GON7: variants seen among roughly 807,000 people sequenced by gnomAD.
GON7 encodes EKC/KEOPS complex subunit GON7.
In GON7, 2 loss-of-function variants were observed where a neutral mutation model predicts 7.6. The ratio of observed to expected loss-of-function variants is 0.26; its 90% CI spans 0.11 to 0.83. The LOEUF is 0.83. Ranked by LOEUF, GON7 falls within the 40% of genes least tolerant of loss-of-function variation. GON7 has a pLI of 0.65. For synonymous variants in GON7, 54 were observed against 56.6 expected (o/e 0.95, Z 0.20); for missense variants, 121 against 132.2 (o/e 0.92, Z 0.42).
Position 93,207,019 on chromosome 14 carries a change from A to T in GON7, c.19T>A (p.Tyr7Asn). The T allele has an allele frequency of 6.2e-7, 1 of 1,613,088 alleles. No individual in the cohort carries two copies. The highest frequency in any genetic ancestry group is 1.3e-5 in the African/African-American group (1 of 74,884). The change falls in exon 1 of 2, where the codon TAC becomes AAC. Residue 7 changes from tyrosine to asparagine, a missense_variant. Tyr to Asn is a moderately radical substitution (Grantham distance 143). Transcript: ENST00000306954. Reference protein sequence around the residue: MELLGEYVGQEGKPQKL... With the variant: MELLGENVGQEGKPQKL... ...TGCGGCTTCCCTTCCTGCCCGACGT[A>T]CTCTCCCAGCAGCTCCATGGTGACC...
chr14:93,205,934 T>C (rs771457075), intron 1 of GON7, among the ~76,000 whole-genome samples: 1 of 152,172 alleles, frequency 6.6e-6, no homozygotes, highest in Non-Finnish European at 1.5e-5. Context: ...TCAAAAGTCT[T>C]ATCCTTTCTG....
At chr14:93,206,735 G>T in intron 1 of GON7, 95 bp downstream of exon 1, 1 of 1,299,942 alleles carries the variant, frequency 7.7e-7, no homozygotes, top group Non-Finnish European at 1.0e-6. Context: ...GGCTCACTTT[G>T]TCCAAGTCTG....
intron 1 of GON7, among the ~76,000 whole-genome samples, chr14:93,204,364 C>T (rs557015371): frequency 2.2e-4 from 33 of 152,320 alleles, no homozygotes; most frequent in Non-Finnish European, 3.7e-4. Flanking sequence ...GCAACCATCA[C>T]CTAGAACACT....
rs776952455 is a variant in GON7, at chr14:93,203,829, A to G, written c.209-47T>C. ...GTATGACAATACGTTCTATGGCTGA[A>G]AGAAATATATATAGCTAAAGTGGTT... On this transcript the variant is annotated intron_variant, in intron 1 of 1. Coordinates refer to ENST00000306954, the MANE Select transcript of GON7 (RefSeq NM_032490.5). 5.5e-6 allele frequency: 8 copies of G among 1,444,586 alleles called. No individual in the cohort carries two copies. In the South Asian group the frequency reaches 9.3e-5, roughly 17 times the overall value. 89.5% of individuals were successfully genotyped at this position (1,444,586 alleles called of 1,614,324 possible). A position where few individuals can be genotyped will look rare whatever the true frequency, so the allele number is the denominator to read the frequency against.
At position 93,206,832 on chromosome 14, in the gene GON7, T is replaced by C. The variant is rs750371974; in HGVS notation, c.206A>G (p.Asp69Gly). 1.9e-6 allele frequency: 3 copies of C among 1,613,502 alleles called. No homozygotes were observed. The highest frequency in any genetic ancestry group is 2.5e-6 in the Non-Finnish European group (3 of 1,179,796). Residue 69 changes from aspartate (D) to glycine (G), a missense_variant and splice_region_variant, in exon 1 of 2, where the codon GAC becomes GGC. Asp to Gly is a moderately conservative substitution (Grantham distance 94, BLOSUM62 -1). Coordinates refer to ENST00000306954, the MANE Select transcript of GON7 (RefSeq NM_032490.5). ...TGCAGCACCGTCTCAGAGCTCACCG[T>C]CCAAGTCCTCGTCTGGAGCCGCCGC... The part of the protein sequence containing the change: ...RVAAAPDEDL[D>G]GDDEDDAEDE...
intron 1 of GON7, 28 bp from the exon 2 acceptor site, chr14:93,203,810 C>G (rs760240597): frequency 5.1e-6 from 8 of 1,563,204 alleles, no homozygotes; most frequent in Non-Finnish European, 7.0e-6. Context: ...TGTTGTATGA[C>G]AATACGTTCT....
Position 93,204,059 on chromosome 14 carries a change from G to A in GON7, c.209-277C>T, listed in dbSNP as rs576812773. Reference sequence around the variant, plus strand: ...TCGCCAGGCTGGAGTGCAGTGGCACGATCTCAGCTTACTGCAACCTCCGCC... The same window carrying A: ...TCGCCAGGCTGGAGTGCAGTGGCACAATCTCAGCTTACTGCAACCTCCGCC... On this transcript the variant is annotated intron_variant, in intron 1 of 1. Coordinates refer to ENST00000306954, the MANE Select transcript of GON7 (RefSeq NM_032490.5). Among the ~76,000 whole-genome samples the A allele has an allele frequency of 3.9e-5, 6 of 151,962 alleles. No homozygotes were observed. In the South Asian group the frequency reaches 8.3e-4, roughly 21 times the overall value.
Position 93,203,410 on chromosome 14 carries a change from T to C in GON7, c.*278A>G, listed in dbSNP as rs768953664. On this transcript the variant is annotated 3_prime_UTR_variant, in exon 2 of 2. Transcript: ENST00000306954. ...TGATTATTTTAAAAATAGAAAACAA[T>C]GATAAAAATTCAGTTGCCAACTTAG... 6.4e-5 allele frequency: 23 copies of C among 360,228 alleles called. No homozygotes were observed. The highest frequency in any genetic ancestry group is 1.0e-4 in the Non-Finnish European group (20 of 200,342). 22.3% of individuals were successfully genotyped at this position (360,228 alleles called of 1,614,324 possible).
At chr14:93,204,264 G>A (rs1894300548) in intron 1 of GON7, among the ~76,000 whole-genome samples, 1 of 152,202 alleles carries the variant, frequency 6.6e-6, no homozygotes. Flanking sequence ...AAAGTGCTGG[G>A]ATTACAGGTA....
intron 1 of GON7, among the ~76,000 whole-genome samples, chr14:93,204,781 T>C (rs1257979694): frequency 2.0e-5 from 3 of 152,236 alleles, no homozygotes; most frequent in Non-Finnish European, 4.4e-5. Flanking sequence ...ATACCACATT[T>C]TGTTAATGCA....
chr14:93,203,810 C>A (rs760240597), intron 1 of GON7, 28 bp from the exon 2 acceptor site: 37 of 1,563,204 alleles, frequency 2.4e-5, no homozygotes, highest in Non-Finnish European at 3.2e-5. Context: ...TGTTGTATGA[C>A]AATACGTTCT....
In GON7 at chr14:93,203,782, C is replaced by T. The variant is rs555105190; in HGVS notation, c.209G>A (p.Gly70Asp). ...ATCTTCTGCATCATCTTCATCATCA[C>T]CTTTTAAAATAAATATTTGTTGTAT... ...VAAAPDEDLD[G>D]DDEDDAEDEN... The change falls in exon 2 of 2, where the codon GGT (glycine) becomes GAT (aspartate). Residue 70 changes from glycine (G) to aspartate (D), a missense_variant and splice_region_variant. By Grantham distance (94) the Gly-to-Asp change is moderately conservative. Transcript: ENST00000306954. 2.1e-5 allele frequency: 33 copies of T among 1,609,672 alleles called. No individual in the cohort carries two copies. The South Asian group carries it at 3.5e-4, about 17-fold the overall frequency.
chr14:93,206,968 G>T lies in GON7; in HGVS notation c.70C>A (p.Pro24Thr), dbSNP rs553646458. 188 of 1,614,218 alleles carry T rather than the reference G, an allele frequency of 1.2e-4. 1 individual carries two copies. The South Asian group carries it at 2.0e-3, about 17-fold the overall frequency. The change falls in exon 1 of 2, where the codon CCG becomes ACG. Residue 24 changes from proline to threonine, a missense_variant. Pro to Thr is a conservative substitution (Grantham distance 38, BLOSUM62 -1). Coordinates refer to ENST00000306954, the MANE Select transcript of GON7 (RefSeq NM_032490.5). The part of the protein sequence containing the change: ...PQKLRVSCEA[P>T]GDGDPFQGLL... ...CCCTGGAAAGGGTCGCCGTCACCCG[G>T]CGCCTCACAGGACACCCGCAGCTTC...
At chr14:93,204,542 C>T (rs1006796318) in intron 1 of GON7, among the ~76,000 whole-genome samples, 1 of 152,172 alleles carries the variant, frequency 6.6e-6, no homozygotes, top group African/African-American at 2.4e-5. Context: ...CCTGTCTCAG[C>T]CTCTAGAGTA....
In GON7 at chr14:93,205,034, G is replaced by A. The variant is rs568589081; in HGVS notation, c.209-1252C>T. On this transcript the variant is annotated intron_variant, in intron 1 of 1. Coordinates refer to ENST00000306954, the MANE Select transcript of GON7 (RefSeq NM_032490.5). ...ATGCTGCTGTTATCAACATTCATGC[G>A]TAAGTTTTTGTGTGAACATACGTTT... 5.9e-5 allele frequency among the ~76,000 whole-genome samples: 9 copies of A among 152,288 alleles called. No individual in the cohort carries two copies. In the East Asian group the frequency reaches 7.7e-4, roughly 13 times the overall value.
At chr14:93,205,591 G>A (rs531071966) in intron 1 of GON7, among the ~76,000 whole-genome samples, 1 of 151,886 alleles carries the variant, frequency 6.6e-6, no homozygotes, top group Non-Finnish European at 1.5e-5. Context: ...CGCTTGAACC[G>A]GGGAGGGAGA....
Position 93,204,463 on chromosome 14 carries a change from C to T in GON7, c.209-681G>A, listed in dbSNP as rs192977754. Among the ~76,000 whole-genome samples the T allele has an allele frequency of 3.3e-5, 5 of 152,174 alleles. No homozygotes were observed. The East Asian group carries it at 9.7e-4, about 29-fold the overall frequency. On this transcript the variant is annotated intron_variant, in intron 1 of 1. Coordinates refer to ENST00000306954, the MANE Select transcript of GON7 (RefSeq NM_032490.5). Reference sequence around the variant, plus strand: ...GGCAACCACTAATCTACTTTTTTTCCCCCTTATTAGAGATAGGGTCTTGCT... The same window carrying T: ...GGCAACCACTAATCTACTTTTTTTCTCCCTTATTAGAGATAGGGTCTTGCT...
chr14:93,204,443 C>T (rs1173728134), intron 1 of GON7, among the ~76,000 whole-genome samples: 3 of 152,160 alleles, frequency 2.0e-5, no homozygotes, highest in Admixed American at 2.0e-4. Context: ...CCTTCGGCAA[C>T]CACTAATCTA....
At chr14:93,206,090 C>T (rs1175056151) in intron 1 of GON7, among the ~76,000 whole-genome samples, 3 of 152,178 alleles carry the variant, frequency 2.0e-5, no homozygotes, top group Admixed American at 2.0e-4. Flanking sequence ...ACTGCACCCT[C>T]TGCCTCCAGG....
Sources: gnomAD v4.1 joint callset for allele counts (sites outside exome capture counted in the v4.1 genomes callset) on GRCh38, gnomAD v4.1.1 for gene constraint, MANE v1.5 for transcripts, NCBI Gene and HGNC (gene_info 2026-07-23, HGNC 2026-07-21) for gene names.